Variants in LIN28B observed in about 807,000 individuals in gnomAD.
LIN28B encodes protein lin-28 homolog B.
LIN28B carries 5 observed loss-of-function variants against 21.9 expected under a neutral mutation model. The observed-to-expected ratio is 0.23, with a 90% confidence interval of 0.12 to 0.48. The LOEUF is 0.48. LIN28B is among the 20% of genes least tolerant of loss of function. The pLI is 0.98. For synonymous variants in LIN28B, 109 were observed against 111.3 expected, an observed-to-expected ratio of 0.98 and a Z score of 0.13; for missense variants, 245 against 310.5, an observed-to-expected ratio of 0.79 and a Z score of 1.58.
At chr6:105,003,246 C>A (rs1268822727) in intron 2 of LIN28B, among the ~76,000 whole-genome samples, 1 of 152,218 alleles carries the variant, frequency 6.6e-6, no homozygotes, top group Non-Finnish European at 1.5e-5. Flanking sequence ...GAAAAGTAGG[C>A]CTTAGAGGCC....
intron 3 of LIN28B, among the ~76,000 whole-genome samples, chr6:105,056,207 T>G (rs1171089496): frequency 6.6e-6 from 1 of 152,140 alleles, no homozygotes; most frequent in Non-Finnish European, 1.5e-5. Flanking sequence ...AGATCTTGAC[T>G]ACTTTTTTCC....
intron 2 of LIN28B, among the ~76,000 whole-genome samples, chr6:104,993,004 A>T (rs1054882963): frequency 6.6e-6 from 1 of 152,146 alleles, no homozygotes; most frequent in East Asian, 1.9e-4. Flanking sequence ...AATATAGTTG[A>T]ATTTATCAAC....
intron 3 of LIN28B, among the ~76,000 whole-genome samples, chr6:105,066,937 A>T (rs531792224): frequency 6.6e-6 from 1 of 152,306 alleles, no homozygotes; most frequent in South Asian, 2.1e-4. Flanking sequence ...GAAGAAAAAA[A>T]TATTTATAAG....
intron 2 of LIN28B, chr6:104,939,373 T>C (rs146038316): frequency 1.3e-5 from 2 of 152,394 alleles, no homozygotes; most frequent in African/African-American, 4.8e-5. Flanking sequence ...TTCACTCCAC[T>C]AGCTCAATGG....
intron 3 of LIN28B, chr6:105,045,519 C>T (rs932949403): frequency 2.6e-5 from 4 of 152,042 alleles, no homozygotes; most frequent in African/African-American, 9.7e-5. Flanking sequence ...CTCCTGACCT[C>T]AAGTGATCCA....
At chr6:105,050,764 A>G (rs1258244283) in intron 3 of LIN28B, among the ~76,000 whole-genome samples, 1 of 151,460 alleles carries the variant, frequency 6.6e-6, no homozygotes, top group African/African-American at 2.4e-5. Flanking sequence ...TTGTATTATC[A>G]GGACAATGGC....
chr6:105,034,069 A>G (rs1208175300), intron 3 of LIN28B, among the ~76,000 whole-genome samples: 1 of 151,926 alleles, frequency 6.6e-6, no homozygotes, highest in African/African-American at 2.4e-5. Context: ...AAAAATGTGC[A>G]TAATTTTAAA....
intron 2 of LIN28B, among the ~76,000 whole-genome samples, chr6:104,947,662 T>C (rs1374224424): frequency 1.1e-4 from 16 of 151,610 alleles, no homozygotes; most frequent in Non-Finnish European, 2.2e-4. Context: ...AATTATTTTG[T>C]ATATATGTAT....
intron 2 of LIN28B, among the ~76,000 whole-genome samples, chr6:104,970,987 G>A (rs1769966291): frequency 6.6e-6 from 1 of 151,998 alleles, no homozygotes; most frequent in African/African-American, 2.4e-5. Context: ...TGATGCTCTA[G>A]TTTATTGTGA....
chr6:105,054,478 C>T (rs889469216), intron 3 of LIN28B, among the ~76,000 whole-genome samples: 2 of 152,212 alleles, frequency 1.3e-5, no homozygotes, highest in African/African-American at 4.8e-5. Flanking sequence ...CTGTACACAT[C>T]TCTCATTTCT....
chr6:105,005,858 A>G (rs1447133905), intron 2 of LIN28B, among the ~76,000 whole-genome samples: 1 of 152,140 alleles, frequency 6.6e-6, no homozygotes, highest in African/African-American at 2.4e-5. Flanking sequence ...GATTTAATCA[A>G]TTTTCTAACA....
At chr6:105,061,247 T>C (rs1772116189) in intron 3 of LIN28B, among the ~76,000 whole-genome samples, 1 of 152,152 alleles carries the variant, frequency 6.6e-6, no homozygotes, top group Non-Finnish European at 1.5e-5. Context: ...ATTAAATATT[T>C]AGACAGTGAA....
At chr6:105,074,818 G>GCC in intron 3 of LIN28B, among the ~76,000 whole-genome samples, 1 of 152,166 alleles carries the variant, frequency 6.6e-6, no homozygotes, top group South Asian at 2.1e-4. Context: ...CAATTCTCCT[G>GCC]CCCCAGCCTC....
intron 2 of LIN28B, among the ~76,000 whole-genome samples, chr6:104,967,313 C>T (rs965946477): frequency 7.6e-5 from 11 of 145,052 alleles, no homozygotes; most frequent in African/African-American, 2.7e-4. Flanking sequence ...GGCATGGTGG[C>T]TCATGCCTGT....
intron 2 of LIN28B, among the ~76,000 whole-genome samples, chr6:104,995,839 A>T (rs1770587651): frequency 6.6e-6 from 1 of 151,818 alleles, no homozygotes; most frequent in Non-Finnish European, 1.5e-5. Flanking sequence ...AACTAAACTA[A>T]AAAAAATAGC....
chr6:104,970,260 A>T (rs1249460785), intron 2 of LIN28B, among the ~76,000 whole-genome samples: 1 of 152,166 alleles, frequency 6.6e-6, no homozygotes, highest in Admixed American at 6.5e-5. Flanking sequence ...GGCCCCTATT[A>T]AGATTAATCT....
chr6:105,052,982 CCTT>C (rs1462481077), intron 3 of LIN28B, among the ~76,000 whole-genome samples: 1 of 151,898 alleles, frequency 6.6e-6, no homozygotes, highest in Non-Finnish European at 1.5e-5. Flanking sequence ...GATTTTTAAA[CCTT>C]CTTTTCTAAC....
At chr6:105,013,184 T>A in intron 2 of LIN28B, among the ~76,000 whole-genome samples, 1 of 151,984 alleles carries the variant, frequency 6.6e-6, no homozygotes, top group South Asian at 2.1e-4. Context: ...GCTAATTTTG[T>A]ATTTTTAGTA....
chr6:104,990,349 C>T (rs1315418883), intron 2 of LIN28B, among the ~76,000 whole-genome samples: 2 of 151,472 alleles, frequency 1.3e-5, no homozygotes, highest in African/African-American at 4.9e-5. Flanking sequence ...AAATCTATAT[C>T]CTTACTGATT....
Sources: gnomAD v4.1 joint callset for allele counts (sites outside exome capture counted in the v4.1 genomes callset) on GRCh38, gnomAD v4.1.1 for gene constraint, MANE v1.5 for transcripts, NCBI Gene and HGNC (gene_info 2026-07-23, HGNC 2026-07-21) for gene names.